Variants in CATSPERE observed in about 807,000 individuals in gnomAD.
CATSPERE encodes the protein catsper channel auxiliary subunit epsilon.
In CATSPERE, 93 loss-of-function variants were observed where a neutral mutation model predicts 114.1. That is an observed-to-expected ratio of 0.81 (90% CI 0.69 to 0.97). CATSPERE has a LOEUF of 0.97. Among genes scored for constraint, CATSPERE ranks in the 50% least tolerant of loss-of-function variants. CATSPERE has a pLI of 0.00. For missense variants in CATSPERE, 1,058 were observed against 1,131.6 expected (o/e 0.93, Z 0.93); for synonymous variants, 341 against 384.1 (o/e 0.89, Z 1.31).
chr1:244,462,381 A>G (rs2148065578), intron 1 of CATSPERE, among the ~76,000 whole-genome samples: 1 of 152,338 alleles, frequency 6.6e-6, no homozygotes. Context: ...AAATTAATAA[A>G]TTAAACGTGA....
intron 8 of CATSPERE, among the ~76,000 whole-genome samples, chr1:244,540,667 T>C (rs987259424): frequency 1.4e-5 from 2 of 148,102 alleles, no homozygotes; most frequent in African/African-American, 5.0e-5. Flanking sequence ...TTAAAGTTCA[T>C]ATGGAACCAA....
chr1:244,613,086 C>CA (rs1670948925), intron 19 of CATSPERE, among the ~76,000 whole-genome samples: 1 of 152,098 alleles, frequency 6.6e-6, no homozygotes, highest in Admixed American at 6.5e-5. Flanking sequence ...CATAATGATA[C>CA]AAGGCTATTA....
intron 6 of CATSPERE, among the ~76,000 whole-genome samples, chr1:244,490,880 G>C (rs1173393866): frequency 6.6e-6 from 1 of 151,400 alleles, no homozygotes; most frequent in Non-Finnish European, 1.5e-5. Flanking sequence ...ATTTACCATA[G>C]TCTTGAAAAA....
intron 9 of CATSPERE, among the ~76,000 whole-genome samples, chr1:244,555,240 C>A (rs1661394341): frequency 6.6e-6 from 1 of 152,042 alleles, no homozygotes; most frequent in South Asian, 2.1e-4. Flanking sequence ...CAAAAATCAG[C>A]TGGGTGTGGT....
chr1:244,577,904 CAT>C (rs1358332495), intron 11 of CATSPERE, among the ~76,000 whole-genome samples: 2 of 152,096 alleles, frequency 1.3e-5, no homozygotes, highest in African/African-American at 4.8e-5. Flanking sequence ...AGGATACAAA[CAT>C]AGTTGTTTGA....
intron 6 of CATSPERE, among the ~76,000 whole-genome samples, chr1:244,494,874 A>C (rs185128255): frequency 4.5e-4 from 68 of 152,298 alleles, no homozygotes; most frequent in African/African-American, 1.6e-3. Context: ...TCCTACTCCA[A>C]ATCCCATTGA....
At chr1:244,503,700 C>G (rs1003866596) in intron 7 of CATSPERE, among the ~76,000 whole-genome samples, 2 of 152,130 alleles carry the variant, frequency 1.3e-5, no homozygotes, top group Non-Finnish European at 2.9e-5. Flanking sequence ...TCAAGTGATC[C>G]TCCCATGTAG....
chr1:244,521,323 C>A (rs1486334731), intron 8 of CATSPERE, among the ~76,000 whole-genome samples: 1 of 152,086 alleles, frequency 6.6e-6, no homozygotes, highest in African/African-American at 2.4e-5. Flanking sequence ...CACTGTACTC[C>A]AGCCTAGGTA....
intron 8 of CATSPERE, among the ~76,000 whole-genome samples, chr1:244,537,849 A>G (rs866979600): frequency 1.3e-5 from 2 of 152,232 alleles, no homozygotes; most frequent in Non-Finnish European, 2.9e-5. Context: ...AAAGTAGTCT[A>G]TAAGTATCCA....
intron 7 of CATSPERE, among the ~76,000 whole-genome samples, chr1:244,509,556 G>C (rs1268369057): frequency 6.6e-6 from 1 of 152,120 alleles, no homozygotes; most frequent in African/African-American, 2.4e-5. Flanking sequence ...TTGTGTCCTT[G>C]TCTGGTTTTG....
chr1:244,493,022 A>G (rs1251944079), intron 6 of CATSPERE, among the ~76,000 whole-genome samples: 12 of 150,948 alleles, frequency 7.9e-5, no homozygotes, highest in African/African-American at 2.9e-4. Context: ...CATACTGCCC[A>G]AGGTAATTTA....
chr1:244,508,502 C>T lies in CATSPERE; in HGVS notation c.429+9423C>T, dbSNP rs139863146. 1.3e-3 allele frequency among the ~76,000 whole-genome samples: 196 copies of T among 151,632 alleles called. 1 individual carries two copies. Among genetic ancestry groups the T allele is most frequent in the South Asian group, 0.01 (50 of 4,806 alleles). Reference sequence around the variant, plus strand: ...ATTTTTAGTAGAGATGGGGTTTCACCGTGTTAGCCAGGATGGTCTCAATAC... The same window carrying T: ...ATTTTTAGTAGAGATGGGGTTTCACTGTGTTAGCCAGGATGGTCTCAATAC... On this transcript the variant is annotated intron_variant, in intron 7 of 21. Coordinates refer to ENST00000366534, the MANE Select transcript of CATSPERE (RefSeq NM_001130957.2).
rs777742530 is a variant in CATSPERE at position 244,633,998 on chromosome 1, G to A, written c.2649-1491G>A. 1.3e-4 allele frequency among the ~76,000 whole-genome samples: 19 copies of A among 151,742 alleles called. No homozygotes were observed. Among genetic ancestry groups the A allele is most frequent in the Non-Finnish European group, 2.5e-4 (17 of 67,958 alleles). On this transcript the variant is annotated intron_variant, in intron 20 of 21. Coordinates refer to ENST00000366534, the MANE Select transcript of CATSPERE (RefSeq NM_001130957.2). This position sits in a 1 kb window ranked among gnomAD's most constrained non-coding sequence, Gnocchi z 4.1. ...CCTGCCTCAACCTCCCAAGTAGCTGGGATTATAGGCACAGACCCCCACACC... is the reference window on the plus strand; with the variant it reads ...CCTGCCTCAACCTCCCAAGTAGCTGAGATTATAGGCACAGACCCCCACACC...
At chr1:244,564,544 T>C (rs1490108680) in intron 10 of CATSPERE, among the ~76,000 whole-genome samples, 1 of 152,166 alleles carries the variant, frequency 6.6e-6, no homozygotes, top group Non-Finnish European at 1.5e-5. Flanking sequence ...ATGATTTGGC[T>C]CTCTGTCTGT....
chr1:244,541,768 C>T (rs935089729), intron 8 of CATSPERE, among the ~76,000 whole-genome samples: 5 of 145,088 alleles, frequency 3.4e-5, no homozygotes, highest in South Asian at 2.3e-4. Context: ...AAATGTCCAA[C>T]GATGATAGAC....
chr1:244,612,018 T>C (rs1283519740), intron 19 of CATSPERE, among the ~76,000 whole-genome samples: 1 of 152,218 alleles, frequency 6.6e-6, no homozygotes, highest in African/African-American at 2.4e-5. Context: ...GATACTGATA[T>C]GCTGATCTGG....
intron 20 of CATSPERE, among the ~76,000 whole-genome samples, chr1:244,621,132 TATATAAAATATATATATTATAAA>T (rs2148717265): frequency 6.2e-5 from 2 of 32,374 alleles, no homozygotes; most frequent in African/African-American, 1.9e-4. Flanking sequence ...TATATAAATA[TATATAAAATATATATATTATAAA>T]ATATATATAT....
chr1:244,592,617 C>T (rs1252875554), intron 15 of CATSPERE, among the ~76,000 whole-genome samples: 1 of 152,082 alleles, frequency 6.6e-6, no homozygotes, highest in Admixed American at 6.5e-5. Context: ...TAAGTGATTT[C>T]ATTAATTAAG....
At chr1:244,594,957 A>G (rs1159691807) in intron 17 of CATSPERE, among the ~76,000 whole-genome samples, 1 of 152,056 alleles carries the variant, frequency 6.6e-6, no homozygotes, top group African/African-American at 2.4e-5. Context: ...ATCTTCTTCT[A>G]GACACCCAAT....
Sources: allele counts gnomAD v4.1 joint callset (sites outside exome capture counted in the v4.1 genomes callset), GRCh38; gene constraint gnomAD v4.1.1; non-coding constraint Gnocchi (gnomAD v3.1); transcripts MANE v1.5; gene names NCBI Gene and HGNC (gene_info 2026-07-23, HGNC 2026-07-21).